MARCHF4: variants seen among roughly 807,000 people sequenced by gnomAD.
The protein encoded by MARCHF4 is membrane associated ring-CH-type finger 4.
Under a neutral mutation model 43.9 loss-of-function variants are expected in MARCHF4, and 14 were observed. The observed-to-expected ratio is 0.32, with a 90% CI of 0.21 to 0.50. MARCHF4 has a LOEUF of 0.50. MARCHF4 is among the 20% of genes least tolerant of loss of function. MARCHF4 has a pLI of 0.98. For missense variants in MARCHF4, 468 were observed against 536.7 expected (o/e 0.87, Z 1.27); for synonymous variants, 226 against 213.3 (o/e 1.06, Z -0.52).
chr2:216,345,548 C>T (rs1692306748), intron 1 of MARCHF4, among the ~76,000 whole-genome samples: 1 of 152,118 alleles, frequency 6.6e-6, no homozygotes, highest in Non-Finnish European at 1.5e-5. Context: ...ATTGGAATAA[C>T]CTAGGGAAAG....
intron 1 of MARCHF4, among the ~76,000 whole-genome samples, chr2:216,344,996 G>A (rs1001553574): frequency 1.3e-4 from 19 of 151,944 alleles, no homozygotes; most frequent in African/African-American, 4.6e-4. Flanking sequence ...GGGGAAAGAT[G>A]TTGGAATGTG....
intron 1 of MARCHF4, among the ~76,000 whole-genome samples, chr2:216,289,775 A>G (rs1691277607): frequency 6.6e-6 from 1 of 152,208 alleles, no homozygotes; most frequent in African/African-American, 2.4e-5. Context: ...GTCGTGTACC[A>G]TGCTGTAGTT....
intron 3 of MARCHF4, among the ~76,000 whole-genome samples, chr2:216,267,076 C>A (rs1690857402): frequency 6.6e-6 from 1 of 152,106 alleles, no homozygotes; most frequent in African/African-American, 2.4e-5. Context: ...TTGGGCTATC[C>A]CAGTTCAGAA....
chr2:216,366,040 G>A (rs1055610375), intron 1 of MARCHF4, among the ~76,000 whole-genome samples: 3 of 152,180 alleles, frequency 2.0e-5, no homozygotes, highest in African/African-American at 7.2e-5. Flanking sequence ...CCTCTGGGCT[G>A]GGGCACACCT....
At chr2:216,310,659 C>A (rs1048177529) in intron 1 of MARCHF4, among the ~76,000 whole-genome samples, 1 of 152,202 alleles carries the variant, frequency 6.6e-6, no homozygotes, top group African/African-American at 2.4e-5. Flanking sequence ...CTCTCTGCTG[C>A]ATGATAACCT....
intron 1 of MARCHF4, among the ~76,000 whole-genome samples, chr2:216,300,542 C>T (rs1326161082): frequency 6.6e-6 from 1 of 151,852 alleles, no homozygotes; most frequent in East Asian, 1.9e-4. Context: ...AGAAGGGTTT[C>T]ATTATGTTGC....
chr2:216,362,682 C>G (rs1000784407), intron 1 of MARCHF4, among the ~76,000 whole-genome samples: 3 of 152,148 alleles, frequency 2.0e-5, no homozygotes, highest in East Asian at 1.9e-4. Context: ...GAAACTCCCC[C>G]CTTTCTTTCC....
chr2:216,298,269 T>TTG, intron 1 of MARCHF4, among the ~76,000 whole-genome samples: 1 of 141,706 alleles, frequency 7.1e-6, no homozygotes, highest in East Asian at 2.0e-4. Context: ...TTTTTTTTTT[T>TTG]TTTTTTTTTT....
chr2:216,279,393 T>G (rs148623310), intron 2 of MARCHF4, among the ~76,000 whole-genome samples: 113 of 152,288 alleles, frequency 7.4e-4, no homozygotes, highest in African/African-American at 2.7e-3. Context: ...ATGCAGAGAC[T>G]TTGTGCTTTG....
At chr2:216,283,452 C>T in intron 2 of MARCHF4, 122 bp downstream of exon 2, 3 of 1,255,386 alleles carry the variant, frequency 2.4e-6, no homozygotes, top group Non-Finnish European at 3.3e-6. Flanking sequence ...CTTGCCCACC[C>T]AGCCCATCTT....
chr2:216,323,866 G>T (rs1334447616), intron 1 of MARCHF4, among the ~76,000 whole-genome samples: 1 of 152,094 alleles, frequency 6.6e-6, no homozygotes, highest in East Asian at 1.9e-4. Context: ...AAGCAGGAAA[G>T]ATCTAAAATT....
At chr2:216,354,902 T>TCTTTCTTTCTTCCTTC (rs1559106502) in intron 1 of MARCHF4, among the ~76,000 whole-genome samples, 1 of 55,718 alleles carries the variant, frequency 1.8e-5, no homozygotes, top group Non-Finnish European at 3.3e-5. Context: ...TTTCTTTCTT[T>TCTTTCTTTCTTCCTTC]CTTTCTTTCT....
intron 1 of MARCHF4, among the ~76,000 whole-genome samples, chr2:216,337,712 G>A (rs1053067141): frequency 1.3e-4 from 19 of 151,996 alleles, no homozygotes; most frequent in Admixed American, 7.2e-4. Flanking sequence ...CATCTCTTTC[G>A]TGGTCTTTCC....
intron 1 of MARCHF4, among the ~76,000 whole-genome samples, chr2:216,357,318 T>TACAC (rs58783411): frequency 2.7e-4 from 41 of 151,576 alleles, no homozygotes; most frequent in African/African-American, 9.2e-4. Context: ...TACACTTTTA[T>TACAC]ACACACACAC....
chr2:216,278,283 G>A (rs904361819), intron 2 of MARCHF4, among the ~76,000 whole-genome samples: 1 of 152,138 alleles, frequency 6.6e-6, no homozygotes, highest in Non-Finnish European at 1.5e-5. Flanking sequence ...GAGTGCAGTG[G>A]CACGATCTCG....
chr2:216,361,711 T>C (rs1692582074), intron 1 of MARCHF4, among the ~76,000 whole-genome samples: 1 of 152,096 alleles, frequency 6.6e-6, no homozygotes, highest in Non-Finnish European at 1.5e-5. Flanking sequence ...GTCCAAAACA[T>C]GTATCCCTGA....
intron 1 of MARCHF4, among the ~76,000 whole-genome samples, chr2:216,341,766 T>G (rs4674078): frequency 0.53 from 80,598 of 151,920 alleles, 23,072 homozygotes; most frequent in East Asian, 0.78. Context: ...AGTCCCAGGG[T>G]CTCCCCTACT....
chr2:216,368,576 C>T (rs940596562), intron 1 of MARCHF4, among the ~76,000 whole-genome samples: 2 of 152,222 alleles, frequency 1.3e-5, no homozygotes, highest in African/African-American at 4.8e-5. Flanking sequence ...CCAGCTAAGC[C>T]TGCATCTTAC....
intron 1 of MARCHF4, among the ~76,000 whole-genome samples, chr2:216,344,640 G>A (rs1692287623): frequency 6.6e-6 from 1 of 152,100 alleles, no homozygotes; most frequent in Admixed American, 6.6e-5. Context: ...GACCTTCCAA[G>A]GAACTGTTTC....
Sources: allele counts gnomAD v4.1 joint callset (sites outside exome capture counted in the v4.1 genomes callset), GRCh38; gene constraint gnomAD v4.1.1; transcripts MANE v1.5; gene names NCBI Gene and HGNC (gene_info 2026-07-23, HGNC 2026-07-21).